HERC4: variants seen among roughly 807,000 people sequenced by gnomAD.
The protein encoded by HERC4 is probable E3 ubiquitin-protein ligase HERC4.
A neutral mutation model predicts 124.3 loss-of-function variants in HERC4; 28 were observed. That is an observed-to-expected ratio of 0.23 (90% confidence interval 0.17 to 0.31). HERC4 has a LOEUF of 0.31. Ranked by LOEUF, HERC4 falls within the 10% of genes least tolerant of loss-of-function variation. The pLI, the probability that HERC4 is intolerant of heterozygous loss-of-function variation, is 1.00. For synonymous variants in HERC4, 407 were observed against 421.5 expected, an observed-to-expected ratio of 0.97 and a Z score of 0.42; for missense variants, 713 against 1,229.3, an observed-to-expected ratio of 0.58 and a Z score of 6.28.
intron 15 of HERC4, among the ~76,000 whole-genome samples, chr10:67,977,601 G>T (rs1231258632): frequency 6.6e-6 from 1 of 152,096 alleles, no homozygotes; most frequent in Non-Finnish European, 1.5e-5. Flanking sequence ...CAAATTCCAG[G>T]ACTTGGTTCT....
chr10:67,936,494 G>A (rs1045745217), intron 21 of HERC4, among the ~76,000 whole-genome samples: 13 of 152,216 alleles, frequency 8.5e-5, no homozygotes, highest in African/African-American at 3.1e-4. Context: ...CATTTGTTGT[G>A]CATAAAACTT....
intron 15 of HERC4, among the ~76,000 whole-genome samples, chr10:67,972,979 T>A (rs1216549793): frequency 6.6e-6 from 1 of 152,158 alleles, no homozygotes; most frequent in Non-Finnish European, 1.5e-5. Flanking sequence ...TCTTAAGAGA[T>A]GAAAGATTAA....
chr10:67,954,680 A>C lies in HERC4; in HGVS notation c.2252T>G (p.Leu751Trp). The change falls in exon 19 of 25, where the codon TTG (leucine) becomes TGG (tryptophan). Residue 751 changes from leucine (L) to tryptophan (W), a missense_variant. Transcript: ENST00000373700. ...DAGGVRKEFFLLIMRELLDPK... is the reference protein window; with the variant it reads ...DAGGVRKEFFWLIMRELLDPK... ...ATCCAATAATTCCCTCATGATGAGC[A>C]AGAAAAATTCTTTGCGCACCCCTCC... is the stretch of plus-strand genomic sequence containing the variant. 6.2e-7 allele frequency: 1 copy of C among 1,613,814 alleles called. No homozygotes were observed. Among genetic ancestry groups the C allele is most frequent in the Non-Finnish European group, 8.5e-7 (1 of 1,179,820 alleles).
chr10:68,073,146 A>G lies in HERC4; in HGVS notation c.-38T>C, dbSNP rs1446518022. On this transcript the variant is annotated 5_prime_UTR_variant, in exon 3 of 25. Coordinates refer to ENST00000373700, the MANE Select transcript of HERC4 (RefSeq NM_015601.4). ...TTTGGTCTTCCAGTTTCAATAAAAA[A>G]TTCTCTTCTGAAACCCCGGAAAGTT... 6.4e-7 allele frequency: 1 copy of G among 1,569,400 alleles called. No individual in the cohort carries two copies. The highest frequency in any genetic ancestry group is 1.8e-5 in the Admixed American group (1 of 55,280).
chr10:67,930,705 C>T (rs2031704536), intron 23 of HERC4, among the ~76,000 whole-genome samples: 1 of 152,150 alleles, frequency 6.6e-6, no homozygotes, highest in Admixed American at 6.5e-5. Context: ...AGAAAATCAG[C>T]AGATTAATTT....
chr10:67,944,757 A>G (rs2033191958), intron 19 of HERC4, among the ~76,000 whole-genome samples: 1 of 152,242 alleles, frequency 6.6e-6, no homozygotes, highest in Admixed American at 6.5e-5. Flanking sequence ...TTAACAGAGT[A>G]AAATAAAAAG....
At chr10:67,927,420 ATATATATATAT>A (rs1216302161) in intron 23 of HERC4, among the ~76,000 whole-genome samples, 1 of 8,232 alleles carries the variant, frequency 1.2e-4, no homozygotes, top group African/African-American at 4.3e-4. Flanking sequence ...ATATATATAT[ATATATATATAT>A]TTTTTTTTTT....
chr10:67,925,890 T>C (rs1485327873), intron 23 of HERC4, among the ~76,000 whole-genome samples: 1 of 152,146 alleles, frequency 6.6e-6, no homozygotes, highest in Non-Finnish European at 1.5e-5. Context: ...AGTGAATCTC[T>C]ATCCTTAATC....
intron 15 of HERC4, among the ~76,000 whole-genome samples, chr10:67,977,439 G>C (rs1188089698): frequency 6.6e-6 from 1 of 152,168 alleles, no homozygotes; most frequent in Admixed American, 6.5e-5. Flanking sequence ...AAGGCCTTGA[G>C]TGAGCCTGAA....
intron 19 of HERC4, among the ~76,000 whole-genome samples, chr10:67,947,902 G>T (rs561569437): frequency 5.6e-5 from 8 of 141,764 alleles, no homozygotes; most frequent in Non-Finnish European, 1.2e-4. Flanking sequence ...TGTTGGCCAG[G>T]CTGGTCTCGA....
At position 68,072,008 on chromosome 10, in the gene HERC4, C is replaced by T. The variant is rs1195393187; in HGVS notation, c.226+875G>A. On this transcript the variant is annotated intron_variant, in intron 3 of 24. Coordinates refer to ENST00000373700, the MANE Select transcript of HERC4 (RefSeq NM_015601.4). ...AAAGCTGAGTAACAACAGAAACCAC[C>T]TAATTAATAAACTGATAAAATAACT... 3.3e-5 allele frequency among the ~76,000 whole-genome samples: 5 copies of T among 152,212 alleles called. No individual in the cohort carries two copies. The East Asian group carries it at 9.6e-4, about 29-fold the overall frequency.
At chr10:67,932,458 GTGGAGTTT>G (rs1416752033) in intron 23 of HERC4, 131 bp downstream of exon 23, 9 of 665,452 alleles carry the variant, frequency 1.4e-5, no homozygotes, top group Non-Finnish European at 2.0e-5. Flanking sequence ...TCCATTCATT[GTGGAGTTT>G]GAAGGGTAGA....
intron 19 of HERC4, among the ~76,000 whole-genome samples, chr10:67,942,412 T>C (rs1011074734): frequency 5.9e-5 from 9 of 152,320 alleles, no homozygotes; most frequent in African/African-American, 2.2e-4. Context: ...GTTTGAAATA[T>C]TTCCCTAGGA....
intron 15 of HERC4, among the ~76,000 whole-genome samples, chr10:67,979,410 G>C (rs2035794237): frequency 6.6e-6 from 1 of 151,476 alleles, no homozygotes; most frequent in South Asian, 2.1e-4. Flanking sequence ...GAGCTGAGGA[G>C]ACAAAAGAAA....
intron 15 of HERC4, among the ~76,000 whole-genome samples, chr10:67,976,332 T>C (rs1176819615): frequency 2.0e-5 from 3 of 152,340 alleles, no homozygotes; most frequent in Non-Finnish European, 4.4e-5. Flanking sequence ...TGTTTATACA[T>C]ATACAAACTA....
chr10:68,062,555 C>G (rs140959002), intron 3 of HERC4, among the ~76,000 whole-genome samples: 72 of 151,636 alleles, frequency 4.7e-4, no homozygotes, highest in Non-Finnish European at 8.4e-4. Context: ...AGTTCGAGAC[C>G]AGTATGGTCA....
chr10:67,948,201 G>A (rs148986305), intron 19 of HERC4, among the ~76,000 whole-genome samples: 43 of 152,084 alleles, frequency 2.8e-4, no homozygotes, highest in African/African-American at 1.0e-3. Context: ...AAGGAACTAA[G>A]AACAAACTAT....
chr10:67,980,348 G>A, intron 15 of HERC4, among the ~76,000 whole-genome samples: 1 of 151,966 alleles, frequency 6.6e-6, no homozygotes, highest in South Asian at 2.1e-4. Context: ...GGTCAGGCTG[G>A]TCTCGAACTC....
chr10:67,954,552 TG>T, intron 19 of HERC4, 42 bp downstream of exon 19: 1 of 1,522,976 alleles, frequency 6.6e-7, no homozygotes, highest in Non-Finnish European at 9.0e-7. Context: ...TATAAATACA[TG>T]GGTATATACA....
Sources: allele counts gnomAD v4.1 joint callset (sites outside exome capture counted in the v4.1 genomes callset), GRCh38; gene constraint gnomAD v4.1.1; transcripts MANE v1.5; gene names NCBI Gene and HGNC (gene_info 2026-07-23, HGNC 2026-07-21).